TAFA2: variants seen among roughly 807,000 people sequenced by gnomAD.
The protein encoded by TAFA2 is TAFA chemokine like family member 2.
A neutral mutation model predicts 18.8 loss-of-function variants in TAFA2; 7 were observed. The ratio of observed to expected loss-of-function variants is 0.37; its 90% CI spans 0.21 to 0.70. The LOEUF is 0.70. Ranked by LOEUF, TAFA2 falls within the 30% of genes least tolerant of loss-of-function variation. TAFA2 has a pLI of 0.53. For synonymous variants in TAFA2, 60 were observed against 54.2 expected, an observed-to-expected ratio of 1.11 and a Z score of -0.47; for missense variants, 122 against 158.1, an observed-to-expected ratio of 0.77 and a Z score of 1.23.
intron 4 of TAFA2, among the ~76,000 whole-genome samples, chr12:61,729,244 T>C (rs1870325904): frequency 6.6e-6 from 1 of 152,056 alleles, no homozygotes; most frequent in African/African-American, 2.4e-5. Context: ...CCACTTTTTT[T>C]CTGAGGTTCT....
chr12:61,736,167 G>A (rs575857312), intron 4 of TAFA2, among the ~76,000 whole-genome samples: 1 of 152,070 alleles, frequency 6.6e-6, no homozygotes, highest in South Asian at 2.1e-4. Flanking sequence ...TATCCACTGA[G>A]CCACTCCTCT....
At chr12:61,877,384 G>A (rs990487476) in intron 1 of TAFA2, among the ~76,000 whole-genome samples, 1 of 152,106 alleles carries the variant, frequency 6.6e-6, no homozygotes, top group Non-Finnish European at 1.5e-5. Context: ...GTATTTTCCT[G>A]CAGTATGCAA....
At chr12:61,820,243 T>G (rs1872262049) in intron 2 of TAFA2, among the ~76,000 whole-genome samples, 1 of 151,790 alleles carries the variant, frequency 6.6e-6, no homozygotes, top group African/African-American at 2.4e-5. Context: ...AAAATGGTGG[T>G]GTGGGGATGG....
At chr12:61,742,511 A>G (rs886451310) in intron 4 of TAFA2, among the ~76,000 whole-genome samples, 11 of 152,096 alleles carry the variant, frequency 7.2e-5, no homozygotes, top group African/African-American at 2.4e-4. Context: ...TTTTCTGTCT[A>G]TTTCTCTGTC....
chr12:62,184,832 C>T (rs2141591), intron 1 of TAFA2, among the ~76,000 whole-genome samples: 133,540 of 152,058 alleles, frequency 0.88, 58,739 homozygotes, highest in Middle Eastern at 0.93. Flanking sequence ...GTCTTAAAAA[C>T]TCCACTGAAG....
chr12:61,857,079 C>A (rs554357853), intron 2 of TAFA2, among the ~76,000 whole-genome samples: 1 of 151,768 alleles, frequency 6.6e-6, no homozygotes, highest in South Asian at 2.1e-4. Context: ...TCAATTTTCT[C>A]CAACAATAGT....
Position 62,017,576 on chromosome 12 carries a change from C to T in TAFA2, c.-1-150150G>A, listed in dbSNP as rs553823339. On this transcript the variant is annotated intron_variant, in intron 1 of 4. Transcript: ENST00000416284. ...CTAACCAAGACCTAAGAGTTGGCCA[C>T]GTGGTGAAATATTTTTATTCTGGAG... is the stretch of plus-strand genomic sequence containing the variant. 4.6e-5 allele frequency among the ~76,000 whole-genome samples: 7 copies of T among 152,198 alleles called. No individual in the cohort carries two copies. In the South Asian group the frequency reaches 1.0e-3, roughly 23 times the overall value.
intron 1 of TAFA2, among the ~76,000 whole-genome samples, chr12:62,031,046 A>G (rs1023797370): frequency 6.6e-6 from 1 of 152,188 alleles, no homozygotes; most frequent in African/African-American, 2.4e-5. Context: ...AATGACCATG[A>G]TAACTCTAGA....
At chr12:62,111,332 T>A (rs1381899792) in intron 1 of TAFA2, among the ~76,000 whole-genome samples, 1 of 152,220 alleles carries the variant, frequency 6.6e-6, no homozygotes, top group Admixed American at 6.5e-5. Context: ...TCTAATTTGA[T>A]TACACTGTGG....
At chr12:61,887,714 T>C (rs1329531214) in intron 1 of TAFA2, among the ~76,000 whole-genome samples, 3 of 150,860 alleles carry the variant, frequency 2.0e-5, no homozygotes, top group Non-Finnish European at 3.0e-5. Context: ...GATAGTTTAC[T>C]GAGAATGATG....
chr12:62,186,495 CA>C (rs2062586739), intron 1 of TAFA2, among the ~76,000 whole-genome samples: 1 of 152,100 alleles, frequency 6.6e-6, no homozygotes, highest in African/African-American at 2.4e-5. Context: ...TGCTAGAATG[CA>C]ACATTATCAC....
intron 2 of TAFA2, among the ~76,000 whole-genome samples, chr12:61,814,535 G>T (rs751350651): frequency 6.6e-6 from 1 of 151,228 alleles, no homozygotes; most frequent in Non-Finnish European, 1.5e-5. Context: ...TTTAGAAAAG[G>T]GCAAGAGTAG....
At chr12:61,777,536 T>A (rs1485734204) in intron 2 of TAFA2, among the ~76,000 whole-genome samples, 1 of 151,778 alleles carries the variant, frequency 6.6e-6, no homozygotes, top group Non-Finnish European at 1.5e-5. Flanking sequence ...ATGGATCTAG[T>A]CCTCAGCAAC....
At chr12:61,892,104 A>T (rs551915779) in intron 1 of TAFA2, among the ~76,000 whole-genome samples, 18 of 151,816 alleles carry the variant, frequency 1.2e-4, no homozygotes, top group Non-Finnish European at 2.1e-4. Flanking sequence ...AGAGAGGAAG[A>T]AAAGTACACA....
At chr12:61,738,393 T>TTTTAAGCAC (rs1200640567) in intron 4 of TAFA2, among the ~76,000 whole-genome samples, 1 of 151,492 alleles carries the variant, frequency 6.6e-6, no homozygotes, top group Non-Finnish European at 1.5e-5. Flanking sequence ...TTTTTAAACG[T>TTTTAAGCAC]AAAAGATTTG....
chr12:61,847,459 A>G (rs1873454509), intron 2 of TAFA2, among the ~76,000 whole-genome samples: 2 of 152,206 alleles, frequency 1.3e-5, no homozygotes, highest in African/African-American at 4.8e-5. Flanking sequence ...TAAGAATTTT[A>G]TATTACTTCT....
At chr12:62,155,573 C>T (rs2062363234) in intron 1 of TAFA2, among the ~76,000 whole-genome samples, 1 of 152,146 alleles carries the variant, frequency 6.6e-6, no homozygotes, top group African/African-American at 2.4e-5. Flanking sequence ...ACCAAAACAG[C>T]ATGGTACTGG....
chr12:61,838,728 G>C (rs1424179364), intron 2 of TAFA2, among the ~76,000 whole-genome samples: 1 of 152,088 alleles, frequency 6.6e-6, no homozygotes, highest in Non-Finnish European at 1.5e-5. Context: ...ATATTTTTGA[G>C]CACCTATTGT....
intron 1 of TAFA2, among the ~76,000 whole-genome samples, chr12:61,982,443 AAAAAG>A (rs1228590498): frequency 6.6e-6 from 1 of 152,190 alleles, no homozygotes; most frequent in Non-Finnish European, 1.5e-5. Flanking sequence ...TATAATTAAA[AAAAAG>A]AAAAGAAAAG....
Sources: allele counts gnomAD v4.1 joint callset (sites outside exome capture counted in the v4.1 genomes callset), GRCh38; gene constraint gnomAD v4.1.1; transcripts MANE v1.5; gene names NCBI Gene and HGNC (gene_info 2026-07-23, HGNC 2026-07-21).